Variants in WNT3 observed in about 807,000 individuals in gnomAD.
WNT3 encodes proto-oncogene Wnt-3.
Under a neutral mutation model 34.2 loss-of-function variants are expected in WNT3, and 7 were observed. That is an observed-to-expected ratio of 0.20 (90% CI 0.12 to 0.38). WNT3 has a LOEUF of 0.38. Among genes scored for constraint, WNT3 ranks in the 10% least tolerant of loss-of-function variants. The pLI, the probability that WNT3 is intolerant of heterozygous loss-of-function variation, is 1.00. For synonymous variants in WNT3, 212 were observed against 211.5 expected, an observed-to-expected ratio of 1.00 and a Z score of -0.02; for missense variants, 267 against 499.8, an observed-to-expected ratio of 0.53 and a Z score of 4.44.
chr17:46,804,005 C>A (rs1255771424), intron 1 of WNT3, among the ~76,000 whole-genome samples: 1 of 152,140 alleles, frequency 6.6e-6, no homozygotes, highest in African/African-American at 2.4e-5. Context: ...AAACTCAGGG[C>A]AAGCTCCATC....
chr17:46,799,217 A>G (rs74939963), intron 1 of WNT3, among the ~76,000 whole-genome samples: 16,266 of 152,070 alleles, frequency 0.11, 913 homozygotes, highest in Middle Eastern at 0.13. Flanking sequence ...CTTCTGCCAC[A>G]TGCCTCCCCA....
At chr17:46,816,112 T>TAC (rs918019392) in intron 1 of WNT3, among the ~76,000 whole-genome samples, 24 of 31,236 alleles carry the variant, frequency 7.7e-4, no homozygotes, top group East Asian at 3.4e-3. Flanking sequence ...CGCGCGCACG[T>TAC]ACACACACAC....
intron 1 of WNT3, among the ~76,000 whole-genome samples, chr17:46,791,600 C>T (rs2083987770): frequency 6.6e-6 from 1 of 152,242 alleles, no homozygotes; most frequent in Admixed American, 6.5e-5. Context: ...GTGTACAACA[C>T]CCTGTCACTC....
At chr17:46,813,554 G>C (rs543265864) in intron 1 of WNT3, among the ~76,000 whole-genome samples, 1 of 152,064 alleles carries the variant, frequency 6.6e-6, no homozygotes, top group South Asian at 2.1e-4. Flanking sequence ...TTGGCAGCTG[G>C]AGAAGGTTTC....
At chr17:46,791,125 C>A (rs79919985) in intron 1 of WNT3, among the ~76,000 whole-genome samples, 3 of 152,140 alleles carry the variant, frequency 2.0e-5, no homozygotes, top group Admixed American at 6.5e-5. Flanking sequence ...AGGCAGCAAG[C>A]CTTTTCCCTA....
At chr17:46,806,741 C>CA (rs1382873276) in intron 1 of WNT3, among the ~76,000 whole-genome samples, 1 of 152,224 alleles carries the variant, frequency 6.6e-6, no homozygotes, top group African/African-American at 2.4e-5. Flanking sequence ...ATGTGTTGCC[C>CA]AAGGGCAGAA....
Position 46,762,703 on chromosome 17 carries a change from C to T in WNT3, c.*1927G>A, listed in dbSNP as rs967619259. The T allele has an allele frequency of 6.6e-6, 1 of 151,868 alleles. No homozygotes were observed. The highest frequency in any genetic ancestry group is 6.6e-5 in the Admixed American group (1 of 15,252). 9.4% of individuals were successfully genotyped at this position (151,868 alleles called of 1,614,324 possible). A position where few individuals can be genotyped will look rare whatever the true frequency, so the allele number is the denominator to read the frequency against. On this transcript the variant is annotated 3_prime_UTR_variant, in exon 5 of 5. Transcript: ENST00000225512. ...TCAAAAAGATCAACAACTTCTACAA[C>T]TTTTTACAAAACTTTGGATACAGCA...
intron 1 of WNT3, among the ~76,000 whole-genome samples, chr17:46,791,729 C>T (rs2083989561): frequency 6.6e-6 from 1 of 152,232 alleles, no homozygotes; most frequent in Non-Finnish European, 1.5e-5. Context: ...GGGGGAAACA[C>T]ACGTTGTGTA....
chr17:46,793,001 A>G (rs1037493836), intron 1 of WNT3, among the ~76,000 whole-genome samples: 4 of 151,916 alleles, frequency 2.6e-5, no homozygotes, highest in African/African-American at 7.3e-5. Context: ...GAGGTGGCTC[A>G]CACCTGTAAA....
At chr17:46,770,438 AG>A (rs1354439459) in intron 2 of WNT3, among the ~76,000 whole-genome samples, 1 of 152,182 alleles carries the variant, frequency 6.6e-6, no homozygotes, top group Admixed American at 6.5e-5. Flanking sequence ...CACCCTGCAC[AG>A]GCCTGAGCCC....
intron 1 of WNT3, among the ~76,000 whole-genome samples, chr17:46,805,536 G>C (rs1252949959): frequency 6.6e-6 from 1 of 152,156 alleles, no homozygotes. Context: ...TCTTGCAATT[G>C]CACTGCAGCC....
rs879303402 is a variant in WNT3 at position 46,818,669 on chromosome 17, C to G, written c.-72G>C. The G allele has an allele frequency of 1.4e-6, 2 of 1,384,382 alleles. No homozygotes were observed. Among genetic ancestry groups the G allele is most frequent in the East Asian group, 5.0e-5 (2 of 40,398 alleles). 85.8% of individuals were successfully genotyped at this position (1,384,382 alleles called of 1,614,324 possible). ...GGAGCGACGCCCCCAATAGTTGGAA[C>G]AAAGTCCACTTGAGATTGGAAATGA... On this transcript the variant is annotated 5_prime_UTR_variant, in exon 1 of 5. Coordinates refer to ENST00000225512, the MANE Select transcript of WNT3 (RefSeq NM_030753.5).
rs1175241394 is a variant in WNT3, at chr17:46,769,900, G to A, written c.471C>T (p.Gly157=). ...CGCCGAAGTCAGCGTCCTCGCTGCAGCCGCCCCACTTCCAGCCTTCGCCAG... is the reference window on the plus strand; with the variant it reads ...CGCCGAAGTCAGCGTCCTCGCTGCAACCGCCCCACTTCCAGCCTTCGCCAG... The part of the protein sequence containing the change: ...GPPGEGWKWG[G]CSEDADFGVL... The change falls in exon 3 of 5, where the codon GGC becomes GGT. Residue 157 remains glycine (G), a synonymous_variant. Transcript: ENST00000225512. 6 of 1,613,442 alleles carry A rather than the reference G, an allele frequency of 3.7e-6. No individual in the cohort carries two copies. Among genetic ancestry groups the A allele is most frequent in the Non-Finnish European group, 4.2e-6 (5 of 1,179,914 alleles).
chr17:46,816,413 T>G (rs1312744542), intron 1 of WNT3, among the ~76,000 whole-genome samples: 12 of 149,000 alleles, frequency 8.1e-5, no homozygotes. Flanking sequence ...CAAACACTTT[T>G]GCACACAGAG....
intron 4 of WNT3, among the ~76,000 whole-genome samples, chr17:46,765,865 A>G (rs2059308043): frequency 6.6e-6 from 1 of 152,230 alleles, no homozygotes; most frequent in Non-Finnish European, 1.5e-5. Flanking sequence ...TTCACAAATG[A>G]AGAAGCCAGG....
At position 46,768,108 on chromosome 17, in the gene WNT3, G is replaced by A. The variant is rs186583402; in HGVS notation, c.*8+204C>T. Among the ~76,000 whole-genome samples, 319 of 152,298 alleles carry A rather than the reference G, an allele frequency of 2.1e-3. No homozygotes were observed. Among genetic ancestry groups the A allele is most frequent in the African/African-American group, 7.5e-3 (312 of 41,562 alleles). The stretch of plus-strand genomic sequence containing the variant: ...CGGCCAACACTGGGTTTTTATCTGT[G>A]CTTTGTGCAATCCACCAAGTCTCTG... On this transcript the variant is annotated intron_variant, in intron 4 of 4. Coordinates refer to ENST00000225512, the MANE Select transcript of WNT3 (RefSeq NM_030753.5). The surrounding 1 kb of genome is among the most constrained non-coding windows in gnomAD (Gnocchi z 5.0).
chr17:46,775,609 C>CTTT (rs1223588575), intron 1 of WNT3, among the ~76,000 whole-genome samples: 143 of 111,538 alleles, frequency 1.3e-3, no homozygotes, highest in African/African-American at 2.1e-3. Flanking sequence ...GCCAGAAGTT[C>CTTT]TTTTTTTTTT....
chr17:46,790,361 C>G (rs1308286906), intron 1 of WNT3, among the ~76,000 whole-genome samples: 1 of 152,078 alleles, frequency 6.6e-6, no homozygotes, highest in Non-Finnish European at 1.5e-5. Flanking sequence ...AGTAAGTGGC[C>G]CTGCTGAGCT....
intron 1 of WNT3, among the ~76,000 whole-genome samples, chr17:46,795,252 C>A (rs2084038355): frequency 6.6e-6 from 1 of 152,192 alleles, no homozygotes; most frequent in Non-Finnish European, 1.5e-5. Context: ...CTACCCCACA[C>A]CAGCGCATTC....
Sources: gnomAD v4.1 joint callset for allele counts (sites outside exome capture counted in the v4.1 genomes callset) on GRCh38, gnomAD v4.1.1 for gene constraint, Gnocchi (gnomAD v3.1) non-coding constraint, MANE v1.5 for transcripts, NCBI Gene and HGNC (gene_info 2026-07-23, HGNC 2026-07-21) for gene names.